The following DIAPH3 variants were observed in gnomAD, a reference collection of about 807,000 sequenced individuals.
DIAPH3 encodes the protein protein diaphanous homolog 3.
In DIAPH3, 117 loss-of-function variants were observed where a neutral mutation model predicts 144.3. The ratio of observed to expected loss-of-function variants is 0.81; its 90% CI spans 0.70 to 0.95. The LOEUF is 0.95. Ranked by LOEUF, DIAPH3 falls within the 40% of genes least tolerant of loss-of-function variation. The pLI is 0.00. For synonymous variants in DIAPH3, 519 were observed against 488.9 expected, an observed-to-expected ratio of 1.06 and a Z score of -0.81; for missense variants, 1,421 against 1,412.7, an observed-to-expected ratio of 1.01 and a Z score of -0.09.
At chr13:59,865,783 A>G (rs1242577494) in intron 21 of DIAPH3, among the ~76,000 whole-genome samples, 1 of 152,002 alleles carries the variant, frequency 6.6e-6, no homozygotes, top group Non-Finnish European at 1.5e-5. Flanking sequence ...TTCAGCACAA[A>G]TCTGGATGAC....
At position 59,876,532 on chromosome 13, in the gene DIAPH3, A is replaced by T. The variant is rs375398654; in HGVS notation, c.2607+2697T>A. 4.9e-3 allele frequency among the ~76,000 whole-genome samples: 749 copies of T among 152,320 alleles called. 3 individuals carry two copies. The highest frequency in any genetic ancestry group is 0.031 in the South Asian group (151 of 4,826). On this transcript the variant is annotated intron_variant, in intron 21 of 27. Coordinates refer to ENST00000400324, the MANE Select transcript of DIAPH3 (RefSeq NM_001042517.2). ...ATTGTATCTCAATGAGAGGATGTCTATTTATTTTCAACAACAAAATAAACA... is the reference window on the plus strand; with the variant it reads ...ATTGTATCTCAATGAGAGGATGTCTTTTTATTTTCAACAACAAAATAAACA...
In DIAPH3 at chr13:59,672,071, A is replaced by G. The variant is rs191939403; in HGVS notation, c.3320-5225T>C. 1.9e-3 allele frequency among the ~76,000 whole-genome samples: 295 copies of G among 152,336 alleles called. 2 individuals carry two copies. The highest frequency in any genetic ancestry group is 6.8e-3 in the African/African-American group (282 of 41,568). On this transcript the variant is annotated intron_variant, in intron 27 of 27. Transcript: ENST00000400324. ...AAAAGAATTATGTATATATATGTGA[A>G]TATATGCAACTTGGCATCTAAATGA...
At chr13:59,692,673 C>T (rs991721714) in intron 27 of DIAPH3, among the ~76,000 whole-genome samples, 1 of 152,078 alleles carries the variant, frequency 6.6e-6, no homozygotes, top group Admixed American at 6.6e-5. Flanking sequence ...TTTTGCCATG[C>T]AGAAATCGAC....
At chr13:59,764,769 G>A (rs923332135) in intron 27 of DIAPH3, among the ~76,000 whole-genome samples, 3 of 151,884 alleles carry the variant, frequency 2.0e-5, no homozygotes, top group African/African-American at 7.3e-5. Context: ...AGAGAGGCAT[G>A]GAATAGATTC....
intron 17 of DIAPH3, among the ~76,000 whole-genome samples, chr13:59,951,418 CCT>C (rs2049090077): frequency 6.6e-6 from 1 of 152,026 alleles, no homozygotes; most frequent in Non-Finnish European, 1.5e-5. Flanking sequence ...TGTAAATTAC[CCT>C]GTCTCAGGTA....
chr13:60,077,398 C>T (rs1360173300), intron 4 of DIAPH3, among the ~76,000 whole-genome samples: 9 of 152,182 alleles, frequency 5.9e-5, no homozygotes, highest in Non-Finnish European at 1.0e-4. Context: ...TAATTAACTT[C>T]AGATTAAATT....
intron 24 of DIAPH3, among the ~76,000 whole-genome samples, chr13:59,818,264 T>C (rs772676921): frequency 6.6e-6 from 1 of 151,928 alleles, no homozygotes; most frequent in Non-Finnish European, 1.5e-5. Context: ...AACATAAGGA[T>C]GTTGATGAAA....
chr13:59,741,115 A>G (rs1399498067), intron 27 of DIAPH3, among the ~76,000 whole-genome samples: 2 of 152,232 alleles, frequency 1.3e-5, no homozygotes, highest in Non-Finnish European at 2.9e-5. Flanking sequence ...AAACATGATC[A>G]ACTTAAAGAA....
intron 3 of DIAPH3, among the ~76,000 whole-genome samples, chr13:60,096,483 T>C (rs907478363): frequency 6.6e-6 from 1 of 152,184 alleles, no homozygotes; most frequent in Admixed American, 6.5e-5. Context: ...TTAGGTGTGA[T>C]GGTTAATTTT....
Position 59,855,102 on chromosome 13 carries a change from C to A in DIAPH3, c.2737+6305G>T, listed in dbSNP as rs538360537. 2.0e-4 allele frequency among the ~76,000 whole-genome samples: 31 copies of A among 152,290 alleles called. 1 individual carries two copies. In the South Asian group the frequency reaches 3.9e-3, roughly 19 times the overall value. ...GACATTCTCTTTCTATTCCACTCTG[C>A]TGCTTTCCAACACAGTTTATATTTG... On this transcript the variant is annotated intron_variant, in intron 22 of 27. Transcript: ENST00000400324.
chr13:59,979,403 G>C (rs377623007), intron 14 of DIAPH3, among the ~76,000 whole-genome samples: 1 of 151,632 alleles, frequency 6.6e-6, no homozygotes, highest in East Asian at 1.9e-4. Flanking sequence ...ATGTTGGCTG[G>C]GGGAAGGGTC....
chr13:59,925,390 C>T (rs1255061769), intron 17 of DIAPH3, among the ~76,000 whole-genome samples: 1 of 152,072 alleles, frequency 6.6e-6, no homozygotes, highest in Non-Finnish European at 1.5e-5. Context: ...ATCTATGCAT[C>T]CTTGAAATAA....
At chr13:60,051,407 G>A (rs1185082346) in intron 4 of DIAPH3, among the ~76,000 whole-genome samples, 3 of 152,060 alleles carry the variant, frequency 2.0e-5, no homozygotes, top group African/African-American at 7.2e-5. Flanking sequence ...ATCATCTGAG[G>A]TCAGGAGTTC....
intron 4 of DIAPH3, among the ~76,000 whole-genome samples, chr13:60,079,845 T>G (rs963301635): frequency 6.6e-6 from 1 of 151,982 alleles, no homozygotes; most frequent in East Asian, 1.9e-4. Flanking sequence ...TGAATCAGAT[T>G]TAAGAAGCCT....
chr13:59,889,697 T>C (rs1405976841), intron 20 of DIAPH3, among the ~76,000 whole-genome samples: 1 of 152,116 alleles, frequency 6.6e-6, no homozygotes, highest in African/African-American at 2.4e-5. Context: ...CTTACTTACA[T>C]ATAACCACTC....
At chr13:59,796,545 G>A (rs1043861093) in intron 25 of DIAPH3, among the ~76,000 whole-genome samples, 17 of 152,194 alleles carry the variant, frequency 1.1e-4, no homozygotes, top group African/African-American at 3.6e-4. Context: ...AAAATTAAGA[G>A]CATAGACAGA....
At chr13:59,676,506 T>C (rs1489041707) in intron 27 of DIAPH3, among the ~76,000 whole-genome samples, 1 of 152,248 alleles carries the variant, frequency 6.6e-6, no homozygotes, top group East Asian at 1.9e-4. Flanking sequence ...TTTCTTCAAC[T>C]GTTCCTTCAG....
intron 3 of DIAPH3, among the ~76,000 whole-genome samples, chr13:60,107,019 C>A (rs2058438525): frequency 6.6e-6 from 1 of 152,006 alleles, no homozygotes; most frequent in Non-Finnish European, 1.5e-5. Context: ...GAACTAGATT[C>A]TTTTGCTATA....
chr13:59,966,652 GTC>G (rs1288511378), intron 17 of DIAPH3, among the ~76,000 whole-genome samples: 1 of 152,102 alleles, frequency 6.6e-6, no homozygotes, highest in African/African-American at 2.4e-5. Flanking sequence ...AACAAATAAA[GTC>G]TACATGACAG....
Sources: allele counts gnomAD v4.1 joint callset (sites outside exome capture counted in the v4.1 genomes callset), GRCh38; gene constraint gnomAD v4.1.1; transcripts MANE v1.5; gene names NCBI Gene and HGNC (gene_info 2026-07-23, HGNC 2026-07-21).